SV2C: variants seen among roughly 807,000 people sequenced by gnomAD.
SV2C encodes the protein solute carrier family 22 member B3.
Under a neutral mutation model 79.7 loss-of-function variants are expected in SV2C, and 49 were observed. That is an observed-to-expected ratio of 0.61 (90% confidence interval 0.49 to 0.78). The LOEUF is 0.78. Ranked by LOEUF, SV2C falls within the 30% of genes least tolerant of loss-of-function variation. The probability of loss-of-function intolerance (pLI) is 0.00; values close to 1 mark genes in which losing one functional copy is unlikely to be tolerated. For synonymous variants in SV2C, 334 were observed against 333.2 expected, an observed-to-expected ratio of 1.00 and a Z score of -0.03; for missense variants, 833 against 912.9, an observed-to-expected ratio of 0.91 and a Z score of 1.13.
the SV2C span, among the ~76,000 whole-genome samples, chr5:75,892,965 G>T: frequency 6.6e-6 from 1 of 152,048 alleles, no homozygotes; most frequent in Non-Finnish European, 1.5e-5. Flanking sequence ...GGGATGATTG[G>T]TAGCTCTATT....
the SV2C span, among the ~76,000 whole-genome samples, chr5:75,867,284 T>G: frequency 6.6e-6 from 1 of 152,114 alleles, no homozygotes; most frequent in Non-Finnish European, 1.5e-5. Context: ...GTGGGATGTG[T>G]GTTCTTCAGT....
the SV2C span, among the ~76,000 whole-genome samples, chr5:75,902,176 T>C: frequency 2.6e-5 from 4 of 152,326 alleles, 1 homozygote; most frequent in South Asian, 8.3e-4. Flanking sequence ...ACCCGTCTTC[T>C]TTGTCGCTCA....
the SV2C span, among the ~76,000 whole-genome samples, chr5:75,900,625 G>A: frequency 6.7e-3 from 1,016 of 152,150 alleles, 3 homozygotes; most frequent in African/African-American, 9.9e-3. Context: ...TGCTAGATTG[G>A]GGAAGTTCTC....
Position 76,195,536 on chromosome 5 carries a change from G to T in SV2C, c.761+437G>T, listed in dbSNP as rs185877960. Among the ~76,000 whole-genome samples the T allele has an allele frequency of 3.1e-4, 47 of 152,212 alleles. No individual in the cohort carries two copies. The Middle Eastern group carries it at 0.01, about 33-fold the overall frequency. ...CACTTTTATTGGTCTATGTTAACTT[G>T]GCATATTTAACTTGGTAGAAAGCCT... On this transcript the variant is annotated intron_variant, in intron 3 of 12. Coordinates refer to ENST00000502798, the MANE Select transcript of SV2C (RefSeq NM_014979.4).
At chr5:76,040,300 A>G in the SV2C span, among the ~76,000 whole-genome samples, 1 of 152,260 alleles carries the variant, frequency 6.6e-6, no homozygotes, top group African/African-American at 2.4e-5. Flanking sequence ...AAAAGGAAAG[A>G]TAATGGGTTA....
intron 4 of SV2C, among the ~76,000 whole-genome samples, chr5:76,279,853 G>A (rs536052778): frequency 6.6e-6 from 1 of 152,148 alleles, no homozygotes; most frequent in Admixed American, 6.5e-5. Flanking sequence ...GAGGGTTGGA[G>A]AGGAGGAACA....
At chr5:76,143,543 A>G (rs1267413868) in intron 2 of SV2C, among the ~76,000 whole-genome samples, 1 of 152,122 alleles carries the variant, frequency 6.6e-6, no homozygotes, top group Non-Finnish European at 1.5e-5. Flanking sequence ...TCCTTAAAAC[A>G]TGTGCCTTAC....
At chr5:75,936,573 T>C in the SV2C span, among the ~76,000 whole-genome samples, 2 of 152,174 alleles carry the variant, frequency 1.3e-5, no homozygotes, top group African/African-American at 2.4e-5. Flanking sequence ...GACAGTGACA[T>C]ATGGGGTGGG....
At chr5:76,235,970 T>C (rs1454860692) in intron 4 of SV2C, among the ~76,000 whole-genome samples, 2 of 152,222 alleles carry the variant, frequency 1.3e-5, no homozygotes, top group Non-Finnish European at 2.9e-5. Context: ...GATCTTAATA[T>C]AGAAATTGTA....
At chr5:76,222,069 G>A (rs1580364402) in intron 4 of SV2C, among the ~76,000 whole-genome samples, 1 of 152,280 alleles carries the variant, frequency 6.6e-6, no homozygotes, top group South Asian at 2.1e-4. Context: ...CTCATGCATT[G>A]CTTGTGGAAA....
chr5:76,036,964 A>G, the SV2C span, among the ~76,000 whole-genome samples: 1 of 151,986 alleles, frequency 6.6e-6, no homozygotes, highest in African/African-American at 2.4e-5. Context: ...TTTTTCCTCT[A>G]AACTTCCCTT....
intron 3 of SV2C, among the ~76,000 whole-genome samples, chr5:76,197,707 C>CAGATAGAT (rs4026946): frequency 0.019 from 2,826 of 145,578 alleles, 50 homozygotes; most frequent in Non-Finnish European, 0.03. Flanking sequence ...GATAGACAGG[C>CAGATAGAT]AGATAGATAG....
Position 76,132,412 on chromosome 5 carries a change from T to A in SV2C, c.580+82T>A, listed in dbSNP as rs902445191. 29 of 1,362,270 alleles carry A rather than the reference T, an allele frequency of 2.1e-5. No homozygotes were observed. In the African/African-American group the frequency reaches 2.6e-4, roughly 12 times the overall value. The allele number at this position is 1,362,270 out of a possible 1,614,324, so 84.4% of individuals were successfully genotyped here. On this transcript the variant is annotated intron_variant, in intron 2 of 12. Coordinates refer to ENST00000502798, the MANE Select transcript of SV2C (RefSeq NM_014979.4). Reference sequence around the variant, plus strand: ...GTTATCAACATAGAGAATAAATACTTTTCATCTAGAGTACTGCATTTTTTC... The same window carrying A: ...GTTATCAACATAGAGAATAAATACTATTCATCTAGAGTACTGCATTTTTTC...
chr5:75,964,852 T>C, the SV2C span, among the ~76,000 whole-genome samples: 62 of 152,322 alleles, frequency 4.1e-4, no homozygotes, highest in Non-Finnish European at 2.1e-4. Flanking sequence ...ACATATATGC[T>C]GTTGTCATTA....
chr5:76,300,190 ATTT>A (rs1423345714), intron 10 of SV2C, among the ~76,000 whole-genome samples: 5 of 131,690 alleles, frequency 3.8e-5, no homozygotes, highest in African/African-American at 1.4e-4. Flanking sequence ...TATTATTATT[ATTT>A]TTGTAGAGAT....
chr5:76,177,854 GA>G (rs1205273774), intron 2 of SV2C, among the ~76,000 whole-genome samples: 1 of 152,102 alleles, frequency 6.6e-6, no homozygotes, highest in Non-Finnish European at 1.5e-5. Flanking sequence ...AGGAATGGCT[GA>G]AAGATTGTTT....
At chr5:76,113,199 G>A (rs1378782662) in intron 1 of SV2C, among the ~76,000 whole-genome samples, 1 of 152,180 alleles carries the variant, frequency 6.6e-6, no homozygotes, top group Non-Finnish European at 1.5e-5. Context: ...CCTTTTGCCT[G>A]GCCAGCTCAG....
chr5:75,972,489 C>T, the SV2C span, among the ~76,000 whole-genome samples: 1 of 152,024 alleles, frequency 6.6e-6, no homozygotes, highest in Admixed American at 6.6e-5. Flanking sequence ...AAGAAAAAAA[C>T]AAACAACCCC....
chr5:76,000,003 T>A, the SV2C span, among the ~76,000 whole-genome samples: 1 of 152,154 alleles, frequency 6.6e-6, no homozygotes, highest in East Asian at 1.9e-4. Context: ...CATTGAGGAT[T>A]AAGCTCCAAC....
Sources: allele counts gnomAD v4.1 joint callset (sites outside exome capture counted in the v4.1 genomes callset), GRCh38; gene constraint gnomAD v4.1.1; transcripts MANE v1.5; gene names NCBI Gene and HGNC (gene_info 2026-07-23, HGNC 2026-07-21).